CHRNA3: variants seen among roughly 807,000 people sequenced by gnomAD.
The protein encoded by CHRNA3 is cholinergic receptor nicotinic alpha 3 subunit, also known as neuronal acetylcholine receptor subunit alpha-3.
In CHRNA3, 34 loss-of-function variants were observed where a neutral mutation model predicts 41.9. The ratio of observed to expected loss-of-function variants is 0.81; its 90% CI spans 0.62 to 1.08. CHRNA3 has a LOEUF of 1.08. Ranked by LOEUF, CHRNA3 falls within the 50% of genes least tolerant of loss-of-function variation. The probability of loss-of-function intolerance (pLI) is 0.00; values close to 1 mark genes in which losing one functional copy is unlikely to be tolerated. For synonymous variants in CHRNA3, 281 were observed against 265.2 expected, an observed-to-expected ratio of 1.06 and a Z score of -0.58; for missense variants, 542 against 638.3, an observed-to-expected ratio of 0.85 and a Z score of 1.63.
rs1010557019 is a variant in CHRNA3 at position 78,619,344 on chromosome 15, A to C, written c.83-429T>G. ...TTGGTGCTGCGGTAAGAGGTCAAGAACTATTCGCAATCTTTTCCTGGGTTG... is the reference window on the plus strand; with the variant it reads ...TTGGTGCTGCGGTAAGAGGTCAAGACCTATTCGCAATCTTTTCCTGGGTTG... On this transcript the variant is annotated intron_variant, in intron 1 of 5. Coordinates refer to ENST00000326828, the MANE Select transcript of CHRNA3 (RefSeq NM_000743.5). 54 of 174,158 alleles carry C rather than the reference A, an allele frequency of 3.1e-4. 2 individuals are homozygous for C. The highest frequency in any genetic ancestry group is 2.9e-3 in the Admixed American group (52 of 18,026). The allele number at this position is 174,158 out of a possible 1,614,324, so 10.8% of individuals were successfully genotyped here.
At chr15:78,606,431 C>A (rs550561600) in intron 4 of CHRNA3, among the ~76,000 whole-genome samples, 2 of 149,950 alleles carry the variant, frequency 1.3e-5, no homozygotes, top group African/African-American at 4.9e-5. Context: ...ATGAAGCTGA[C>A]GATAATCTGA....
intron 4 of CHRNA3, among the ~76,000 whole-genome samples, chr15:78,611,375 A>T (rs915135680): frequency 6.6e-6 from 1 of 151,660 alleles, no homozygotes; most frequent in Admixed American, 6.6e-5. Flanking sequence ...ATCCACCATG[A>T]TCAAGTGGGC....
Position 78,595,316 on chromosome 15 carries a change from C to G in CHRNA3, c.*1288G>C. ...ACATGAGTCACAGCGGGCTGCAATT[C>G]TGTCCATTTTATTTTTGCACAGGAA... On this transcript the variant is annotated 3_prime_UTR_variant, in exon 6 of 6. Coordinates refer to ENST00000326828, the MANE Select transcript of CHRNA3 (RefSeq NM_000743.5). 1 of 985,122 alleles carries G rather than the reference C, an allele frequency of 1.0e-6. No homozygotes were observed. Among genetic ancestry groups the G allele is most frequent in the Non-Finnish European group, 1.2e-6 (1 of 829,858 alleles). 61.0% of individuals were successfully genotyped at this position (985,122 alleles called of 1,614,324 possible).
At chr15:78,597,486 T>G (rs187858928) in intron 5 of CHRNA3, among the ~76,000 whole-genome samples, 38 of 152,024 alleles carry the variant, frequency 2.5e-4, no homozygotes, top group Non-Finnish European at 5.4e-4. Flanking sequence ...AGATAAGCGT[T>G]ATCAGGGCAA....
At chr15:78,616,028 C>T (rs1488386339) in intron 4 of CHRNA3, among the ~76,000 whole-genome samples, 1 of 150,522 alleles carries the variant, frequency 6.6e-6, no homozygotes, top group Non-Finnish European at 1.5e-5. Flanking sequence ...AGGCATCAGC[C>T]ACCATGCCTG....
At chr15:78,604,099 G>A (rs1384648691) in intron 4 of CHRNA3, among the ~76,000 whole-genome samples, 1 of 152,176 alleles carries the variant, frequency 6.6e-6, no homozygotes, top group Non-Finnish European at 1.5e-5. Context: ...CCCAGGGTCT[G>A]GTCCAGGGGT....
In CHRNA3 at chr15:78,601,888, A is replaced by T; in HGVS notation, c.754T>A (p.Cys252Ser). ...ACAGTGAGGAAGGAGATGAGCAGGCAGGGGATGATGAGGTTGATGGTGTAG... is the reference window on the plus strand; with the variant it reads ...ACAGTGAGGAAGGAGATGAGCAGGCTGGGGATGATGAGGTTGATGGTGTAG... Reference protein sequence around the residue: ...LFYTINLIIPCLLISFLTVLV... With the variant: ...LFYTINLIIPSLLISFLTVLV... The change falls in exon 5 of 6, where the codon TGC (cysteine) becomes AGC (serine). Residue 252 changes from cysteine (C) to serine (S), a missense_variant. By Grantham distance (112) the Cys-to-Ser change is moderately radical. Coordinates refer to ENST00000326828, the MANE Select transcript of CHRNA3 (RefSeq NM_000743.5). 6.2e-7 allele frequency: 1 copy of T among 1,614,138 alleles called. No individual in the cohort carries two copies. Among genetic ancestry groups the T allele is most frequent in the South Asian group, 1.1e-5 (1 of 91,080 alleles).
Position 78,606,969 on chromosome 15 carries a change from TG to T in CHRNA3, c.378-4706del, listed in dbSNP as rs370100023. On this transcript the variant is annotated intron_variant, in intron 4 of 5. Transcript: ENST00000326828. ...CAGTCTGGGTGTGATGGCTCACACC[TG>T]TAATCCCAGCACTTTGGAAGGCTGA... is the stretch of plus-strand genomic sequence containing the variant. Among the ~76,000 whole-genome samples the T allele has an allele frequency of 3.6e-3, 544 of 152,260 alleles. 3 individuals carry two copies. The highest frequency in any genetic ancestry group is 0.012 in the African/African-American group (501 of 41,546).
At position 78,618,889 on chromosome 15, in the gene CHRNA3, G is replaced by C. The variant is rs78945897; in HGVS notation, c.109C>G (p.Arg37Gly). ...TCTTCAAACAGCCGCTCAAATAGAC[G>C]GTGCTCAGCCTCTGAGGCCCTGGCC... ...PVARASEAEHRLFERLFEDYN... is the reference protein window; with the variant it reads ...PVARASEAEHGLFERLFEDYN... Residue 37 changes from arginine to glycine, a missense_variant, in exon 2 of 6, where the codon CGT becomes GGT. By Grantham distance (125) the Arg-to-Gly change is moderately radical (BLOSUM62 -2). Transcript: ENST00000326828. The C allele has an allele frequency of 6.2e-7, 1 of 1,613,736 alleles. No individual in the cohort carries two copies. Among genetic ancestry groups the C allele is most frequent in the South Asian group, 1.1e-5 (1 of 91,062 alleles).
chr15:78,613,789 C>CA (rs1247856975), intron 4 of CHRNA3, among the ~76,000 whole-genome samples: 50 of 131,826 alleles, frequency 3.8e-4, no homozygotes, highest in South Asian at 1.8e-3. Flanking sequence ...AAAAAAACCA[C>CA]AAAAAAATTA....
At chr15:78,610,188 T>C (rs959018626) in intron 4 of CHRNA3, among the ~76,000 whole-genome samples, 4 of 152,172 alleles carry the variant, frequency 2.6e-5, no homozygotes, top group Non-Finnish European at 5.9e-5. Flanking sequence ...TTAACAACGA[T>C]ACCCAGGAAT....
In CHRNA3 at chr15:78,601,292, ATACTT is replaced by A; in HGVS notation, c.1345_1349del (p.Lys449TyrfsTer3). On this transcript the variant is annotated frameshift_variant, in exon 5 of 6. Coordinates refer to ENST00000326828, the MANE Select transcript of CHRNA3 (RefSeq NM_000743.5). LOFTEE classifies it high-confidence loss of function. ...TTTGTGCTTTCATATTTTCAGCAATATACTTGACACTTTGGATGGCTTCTTTGATT... is the reference window on the plus strand; with the variant it reads ...TTTGTGCTTTCATATTTTCAGCAATAGACACTTTGGATGGCTTCTTTGATT... The A allele has an allele frequency of 6.2e-7, 1 of 1,614,214 alleles. No individual in the cohort carries two copies. The highest frequency in any genetic ancestry group is 8.5e-7 in the Non-Finnish European group (1 of 1,180,030).
In CHRNA3 at chr15:78,601,242, C is replaced by A; in HGVS notation, c.1389+11G>T. 6.2e-7 allele frequency: 1 copy of A among 1,609,036 alleles called. No individual in the cohort carries two copies. Among genetic ancestry groups the A allele is most frequent in the South Asian group, 1.1e-5 (1 of 90,640 alleles). ...AATGAATGACCAATGTAATAAAAGC[C>A]ATATCCTTACCTCTTTGGCTTCATT... On this transcript the variant is annotated intron_variant, in intron 5 of 5. Coordinates refer to ENST00000326828, the MANE Select transcript of CHRNA3 (RefSeq NM_000743.5).
intron 4 of CHRNA3, among the ~76,000 whole-genome samples, chr15:78,611,530 C>A (rs888690634): frequency 1.4e-4 from 22 of 152,120 alleles, no homozygotes; most frequent in African/African-American, 5.1e-4. Flanking sequence ...ACCCTTCACG[C>A]TAAAAACTCT....
At chr15:78,617,325 G>A (rs1017761982) in intron 3 of CHRNA3, among the ~76,000 whole-genome samples, 192 bp from the exon 4 acceptor site, 1 of 152,006 alleles carries the variant, frequency 6.6e-6, no homozygotes, top group African/African-American at 2.4e-5. Flanking sequence ...TGGCTCTGCG[G>A]GCCACCTCCT....
chr15:78,608,500 A>G (rs986776062), intron 4 of CHRNA3, among the ~76,000 whole-genome samples: 13 of 152,260 alleles, frequency 8.5e-5, no homozygotes, highest in Non-Finnish European at 1.9e-4. Flanking sequence ...GCAAACTCCA[A>G]CAGACCTGCA....
Position 78,601,695 on chromosome 15 carries a change from G to A in CHRNA3, c.947C>T (p.Thr316Ile). Residue 316 changes from threonine to isoleucine, a missense_variant, in exon 5 of 6, where the codon ACC (threonine) becomes ATC (isoleucine). Coordinates refer to ENST00000326828, the MANE Select transcript of CHRNA3 (RefSeq NM_000743.5). ...EYLLFTMIFV[T>I]LSIVITVFVL... Reference sequence around the variant, plus strand: ...GAAGACGGTGATGACGATGGACAAGGTTACAAAAATCATGGTGAACAGGAG... The same window carrying A: ...GAAGACGGTGATGACGATGGACAAGATTACAAAAATCATGGTGAACAGGAG... The A allele has an allele frequency of 6.2e-7, 1 of 1,614,150 alleles. No homozygotes were observed. The highest frequency in any genetic ancestry group is 8.5e-7 in the Non-Finnish European group (1 of 1,180,028).
In CHRNA3 at chr15:78,596,291, AGTTTT is replaced by A. The variant is rs761600845; in HGVS notation, c.*308_*312del. 23 of 1,006,414 alleles carry A rather than the reference AGTTTT, an allele frequency of 2.3e-5. No individual in the cohort carries two copies. The highest frequency in any genetic ancestry group is 5.0e-4 in the Middle Eastern group (1 of 2,004). 62.3% of individuals were successfully genotyped at this position (1,006,414 alleles called of 1,614,324 possible). ...ATTTCTGAACAGCATTTTTCTATCCAGTTTTGTTTCAACAACTAAAAGGAAACATT... is the reference window on the plus strand; with the variant it reads ...ATTTCTGAACAGCATTTTTCTATCCAGTTTCAACAACTAAAAGGAAACATT... On this transcript the variant is annotated 3_prime_UTR_variant, in exon 6 of 6. Coordinates refer to ENST00000326828, the MANE Select transcript of CHRNA3 (RefSeq NM_000743.5).
Position 78,596,147 on chromosome 15 carries a change from A to G in CHRNA3, c.*457T>C, listed in dbSNP as rs962676543. On this transcript the variant is annotated 3_prime_UTR_variant, in exon 6 of 6. Transcript: ENST00000326828. The stretch of plus-strand genomic sequence containing the variant: ...AGACCCAGTAAAGAACGAGAAATGC[A>G]TGGTAAGAAATGGGTAACGATGGGG... 1.0e-5 allele frequency: 10 copies of G among 985,604 alleles called. No individual in the cohort carries two copies. The highest frequency in any genetic ancestry group is 7.0e-5 in the African/African-American group (4 of 57,262). The allele number at this position is 985,604 out of a possible 1,614,324, so 61.1% of individuals were successfully genotyped here.
Sources: allele counts gnomAD v4.1 joint callset (sites outside exome capture counted in the v4.1 genomes callset), GRCh38; gene constraint gnomAD v4.1.1; transcripts MANE v1.5; gene names NCBI Gene and HGNC (gene_info 2026-07-23, HGNC 2026-07-21).